Variants in SEC14L5 observed in about 807,000 individuals in gnomAD.
The protein encoded by SEC14L5 is SEC14 like lipid binding 5.
SEC14L5 carries 96 observed loss-of-function variants against 84.6 expected under a neutral mutation model. The ratio of observed to expected loss-of-function variants is 1.13; its 90% CI spans 0.96 to 1.34. SEC14L5 has a LOEUF of 1.34. Among genes scored for constraint, SEC14L5 ranks in the 40% most tolerant of loss-of-function variants. SEC14L5 has a pLI of 0.00. For missense variants in SEC14L5, 1,224 were observed against 942.5 expected (o/e 1.30, Z -3.91); for synonymous variants, 546 against 383.4 (o/e 1.42, Z -4.95).
chr16:5,003,396 C>T lies in SEC14L5; in HGVS notation c.1131-6C>T. The T allele has an allele frequency of 1.9e-6, 3 of 1,610,908 alleles. No individual in the cohort carries two copies. The highest frequency in any genetic ancestry group is 1.3e-5 in the African/African-American group (1 of 75,012). On this transcript the variant is annotated splice_region_variant and splice_polypyrimidine_tract_variant and intron_variant, in intron 10 of 15. Transcript: ENST00000251170. ...CCAGGTGGAGCTGGGGCTATTTCTG[C>T]CACAGCTCCTGGACCTGCCTGCTAG...
intron 1 of SEC14L5, among the ~76,000 whole-genome samples, chr16:4,958,985 G>T (rs1955086475): frequency 6.6e-6 from 1 of 151,960 alleles, no homozygotes; most frequent in South Asian, 2.1e-4. Flanking sequence ...TGTCTGTGTG[G>T]GTGGCCGTAA....
At chr16:4,964,355 G>A (rs1203907046) in intron 2 of SEC14L5, among the ~76,000 whole-genome samples, 1 of 152,110 alleles carries the variant, frequency 6.6e-6, no homozygotes, top group Non-Finnish European at 1.5e-5. Flanking sequence ...TTGGGAGGCC[G>A]AGGCAGGTGG....
At chr16:4,968,844 G>A (rs574894524) in intron 2 of SEC14L5, among the ~76,000 whole-genome samples, 3 of 152,206 alleles carry the variant, frequency 2.0e-5, no homozygotes, top group East Asian at 1.9e-4. Context: ...CGGAGGTAAG[G>A]TTCTGTCCTT....
intron 2 of SEC14L5, among the ~76,000 whole-genome samples, chr16:4,982,692 T>C (rs1955439611): frequency 6.6e-6 from 1 of 152,182 alleles, no homozygotes; most frequent in Admixed American, 6.5e-5. Flanking sequence ...ACGGAGAGAC[T>C]GTGGAGGAAA....
intron 2 of SEC14L5, among the ~76,000 whole-genome samples, chr16:4,962,082 G>T (rs1488406504): frequency 6.7e-6 from 1 of 150,214 alleles, no homozygotes; most frequent in African/African-American, 2.5e-5. Context: ...GAAAATGGGG[G>T]CTGGGTGCTT....
chr16:4,971,000 C>T (rs568438094), intron 2 of SEC14L5, among the ~76,000 whole-genome samples: 36 of 149,998 alleles, frequency 2.4e-4, no homozygotes, highest in South Asian at 1.0e-3. Context: ...CCCAGCTACG[C>T]GGGGGGCTGA....
intron 2 of SEC14L5, 50 bp from the exon 3 acceptor site, chr16:4,987,507 G>T: frequency 1.4e-6 from 2 of 1,453,132 alleles, no homozygotes; most frequent in Non-Finnish European, 1.8e-6. Context: ...TGGGGGGGGG[G>T]GTCCCTCTGC....
intron 10 of SEC14L5, among the ~76,000 whole-genome samples, chr16:5,003,181 C>T (rs1417200726): frequency 6.6e-6 from 1 of 152,242 alleles, no homozygotes; most frequent in Non-Finnish European, 1.5e-5. Context: ...GTGCCCTGAC[C>T]TAAGGCTCTC....
intron 2 of SEC14L5, among the ~76,000 whole-genome samples, chr16:4,978,642 A>G (rs1360357025): frequency 6.6e-6 from 1 of 151,548 alleles, no homozygotes. Context: ...TCGCTCTGTC[A>G]CCCAGGCTGG....
At chr16:4,990,169 ATT>A (rs111938764) in intron 4 of SEC14L5, among the ~76,000 whole-genome samples, 1 of 149,726 alleles carries the variant, frequency 6.7e-6, no homozygotes. Flanking sequence ...TTATTTTATT[ATT>A]TTTTTTTTGG....
chr16:4,998,966 G>A (rs1356959205), intron 8 of SEC14L5, among the ~76,000 whole-genome samples: 1 of 152,094 alleles, frequency 6.6e-6, no homozygotes, highest in South Asian at 2.1e-4. Flanking sequence ...TCAGAGTGGC[G>A]AAGTATTGGA....
chr16:5,010,571 G>T (rs752994866), intron 14 of SEC14L5, among the ~76,000 whole-genome samples: 8 of 152,150 alleles, frequency 5.3e-5, no homozygotes, highest in Middle Eastern at 3.2e-3. Flanking sequence ...AGTTCCCGGT[G>T]GGGAGAGGGT....
intron 15 of SEC14L5, among the ~76,000 whole-genome samples, chr16:5,014,581 G>C (rs115244477): frequency 0.014 from 2,192 of 152,324 alleles, 51 homozygotes; most frequent in African/African-American, 0.05. Context: ...ACAGGGCCGG[G>C]GACTCCCTGG....
In SEC14L5 at chr16:5,000,674, C is replaced by T. The variant is rs1955664980; in HGVS notation, c.990C>T (p.Ile330=). 1 of 1,551,778 alleles carries T rather than the reference C, an allele frequency of 6.4e-7. No homozygotes were observed. Among genetic ancestry groups the T allele is most frequent in the Admixed American group, 2.0e-5 (1 of 51,030 alleles). Residue 330 remains isoleucine (I), a synonymous_variant, in exon 9 of 16, where the codon ATC becomes ATT. Coordinates refer to ENST00000251170, the MANE Select transcript of SEC14L5 (RefSeq NM_014692.2). ...ACAAAGATGGCCGCCCCCTCTACAT[C>T]CTCCGCCTGGGCCAGATGGACACCA... The part of the protein sequence containing the change: ...YQDIDGRPLY[I]LRLGQMDTKG...
In SEC14L5 at chr16:5,000,691, T is replaced by C; in HGVS notation, c.1007T>C (p.Met336Thr). Residue 336 changes from methionine to threonine, a missense_variant, in exon 9 of 16, where the codon ATG becomes ACG. Met to Thr is a moderately conservative substitution (Grantham distance 81, BLOSUM62 -1). Coordinates refer to ENST00000251170, the MANE Select transcript of SEC14L5 (RefSeq NM_014692.2). ...RPLYILRLGQ[M>T]DTKGLMKAVG... ...CTCTACATCCTCCGCCTGGGCCAGATGGACACCAAAGGCTTGATGAAGGCC... is the reference window on the plus strand; with the variant it reads ...CTCTACATCCTCCGCCTGGGCCAGACGGACACCAAAGGCTTGATGAAGGCC... 2 of 1,552,202 alleles carry C rather than the reference T, an allele frequency of 1.3e-6. No homozygotes were observed. Among genetic ancestry groups the C allele is most frequent in the Non-Finnish European group, 1.7e-6 (2 of 1,147,444 alleles).
In SEC14L5 at chr16:5,010,150, C is replaced by T. The variant is rs184742341; in HGVS notation, c.1801-945C>T. ...CTGAAGTCAGGAGTTCGAGACCAGCCTGGCCAACATGGTGAAACTCCGTCT... is the reference window on the plus strand; with the variant it reads ...CTGAAGTCAGGAGTTCGAGACCAGCTTGGCCAACATGGTGAAACTCCGTCT... On this transcript the variant is annotated intron_variant, in intron 14 of 15. Transcript: ENST00000251170. 2.5e-3 allele frequency among the ~76,000 whole-genome samples: 354 copies of T among 143,040 alleles called. 4 individuals carry two copies. The East Asian group carries it at 0.036, about 14-fold the overall frequency. 93.8% of individuals were successfully genotyped at this position (143,040 alleles called of 152,430 possible).
intron 8 of SEC14L5, among the ~76,000 whole-genome samples, chr16:4,999,929 C>G (rs1412653436): frequency 6.6e-6 from 1 of 150,716 alleles, no homozygotes; most frequent in African/African-American, 2.5e-5. Flanking sequence ...ACCAACAAAT[C>G]AACCAACTAA....
rs544280361 is a variant in SEC14L5, at chr16:5,002,936, A to T, written c.1131-466A>T. On this transcript the variant is annotated intron_variant, in intron 10 of 15. Transcript: ENST00000251170. Reference sequence around the variant, plus strand: ...CAATGTTTTGAATTTTTGCAATCAGACCTTGGTGATGACCTTGAGCAGTAG... The same window carrying T: ...CAATGTTTTGAATTTTTGCAATCAGTCCTTGGTGATGACCTTGAGCAGTAG... 3.3e-5 allele frequency among the ~76,000 whole-genome samples: 5 copies of T among 152,326 alleles called. No individual in the cohort carries two copies. The East Asian group carries it at 7.7e-4, about 24-fold the overall frequency.
chr16:4,980,953 C>A (rs1318314548), intron 2 of SEC14L5, among the ~76,000 whole-genome samples: 1 of 152,034 alleles, frequency 6.6e-6, no homozygotes, highest in African/African-American at 2.4e-5. Context: ...GTCCCCATGG[C>A]AGGGACACGT....
Sources: allele counts gnomAD v4.1 joint callset (sites outside exome capture counted in the v4.1 genomes callset), GRCh38; gene constraint gnomAD v4.1.1; transcripts MANE v1.5; gene names NCBI Gene and HGNC (gene_info 2026-07-23, HGNC 2026-07-21).